IVD: variants seen among roughly 807,000 people sequenced by gnomAD.
The protein encoded by IVD is isovaleryl-CoA dehydrogenase.
IVD carries 31 observed loss-of-function variants against 51.3 expected under a neutral mutation model. The ratio of observed to expected loss-of-function variants is 0.60; its 90% CI spans 0.45 to 0.81. The LOEUF is 0.81. Among genes scored for constraint, IVD ranks in the 40% least tolerant of loss-of-function variants. IVD has a pLI of 0.00. For missense variants in IVD, 475 were observed against 552.0 expected, an observed-to-expected ratio of 0.86 and a Z score of 1.40; for synonymous variants, 205 against 219.4, an observed-to-expected ratio of 0.93 and a Z score of 0.58.
chr15:40,412,799 G>A, intron 6 of IVD, 192 bp from the exon 7 acceptor site: 1 of 595,702 alleles, frequency 1.7e-6, no homozygotes, highest in Non-Finnish European at 3.0e-6. Context: ...GCTAGTGGCA[G>A]AGGAGGCTGG....
chr15:40,408,100 C>A, intron 3 of IVD, 110 bp downstream of exon 3: 2 of 1,030,308 alleles, frequency 1.9e-6, no homozygotes, highest in Non-Finnish European at 3.0e-6. Flanking sequence ...AAACCCAGAA[C>A]TGCATCTTTT....
At chr15:40,435,657 AG>A, downstream of IVD, 1 of 1,048,118 alleles carries the variant, frequency 9.5e-7, no homozygotes, top group Non-Finnish European at 1.2e-6. Flanking sequence ...GGGTTTACAA[AG>A]CTTAGGTGGC....
At chr15:40,430,919 C>T (rs563448487) in intron 7 of IVD, among the ~76,000 whole-genome samples, 2 of 152,270 alleles carry the variant, frequency 1.3e-5, no homozygotes, top group East Asian at 1.9e-4. Context: ...ATATGACAAT[C>T]GACTTGCAAC....
chr15:40,418,377 C>T lies in IVD; in HGVS notation c.*114C>T, dbSNP rs1891946047. 6.3e-7 allele frequency: 1 copy of T among 1,592,526 alleles called. No individual in the cohort carries two copies. Among genetic ancestry groups the T allele is most frequent in the African/African-American group, 1.3e-5 (1 of 74,582 alleles). ...GGCCCTCCTGCCCAGCTGCTCTTGT[C>T]AGCCCTCTGGCCTCTGGATGAGGTT... On this transcript the variant is annotated 3_prime_UTR_variant, in exon 12 of 12. Coordinates refer to ENST00000487418, the MANE Select transcript of IVD (RefSeq NM_002225.5).
intron 8 of IVD, 198 bp downstream of exon 8, chr15:40,415,180 G>GA: frequency 1.3e-6 from 1 of 759,630 alleles, no homozygotes; most frequent in Non-Finnish European, 2.1e-6. Flanking sequence ...TTAAGTAACA[G>GA]ACAAAAGGCC....
intron 3 of IVD, 43 bp from the exon 4 acceptor site, chr15:40,410,585 T>G: frequency 6.2e-7 from 1 of 1,610,724 alleles, no homozygotes; most frequent in Non-Finnish European, 8.5e-7. Context: ...CCCGATTTAA[T>G]CTGGGCTGCG....
At chr15:40,434,862 C>G (rs1252003180) in intron 8 of IVD, among the ~76,000 whole-genome samples, 1 of 152,216 alleles carries the variant, frequency 6.6e-6, no homozygotes, top group African/African-American at 2.4e-5. Context: ...TGAGGCTTCA[C>G]TGACACCCTC....
chr15:40,412,213 T>G (rs946315645), intron 6 of IVD, among the ~76,000 whole-genome samples: 1 of 151,636 alleles, frequency 6.6e-6, no homozygotes, highest in African/African-American at 2.4e-5. Context: ...AATTGAAAAG[T>G]GTGGGAATGA....
rs2014753824 is a variant in IVD, at chr15:40,408,094, C to A, written c.286+104C>A. The A allele has an allele frequency of 3.8e-6, 4 of 1,066,600 alleles. No individual in the cohort carries two copies. In the Admixed American group the frequency reaches 5.4e-5, roughly 14 times the overall value. 66.1% of individuals were successfully genotyped at this position (1,066,600 alleles called of 1,614,324 possible). ...AGGGAAAGATTGTGCTTAAAGAAAC[C>A]CAGAACTGCATCTTTTGGACCTGTG... On this transcript the variant is annotated intron_variant, in intron 3 of 11. Coordinates refer to ENST00000487418, the MANE Select transcript of IVD (RefSeq NM_002225.5).
chr15:40,411,526 T>G (rs1891085533), intron 5 of IVD, 29 bp from the exon 6 acceptor site: 1 of 1,614,050 alleles, frequency 6.2e-7, no homozygotes, highest in Non-Finnish European at 8.5e-7. Context: ...CAAGATGGCT[T>G]GAGCAAATAG....
At chr15:40,415,791 G>A (rs1401945661) in intron 9 of IVD, among the ~76,000 whole-genome samples, 1 of 152,200 alleles carries the variant, frequency 6.6e-6, no homozygotes, top group African/African-American at 2.4e-5. Flanking sequence ...CTTCTGGTCC[G>A]AAGAAGCTGC....
Position 40,407,742 on chromosome 15 carries a change from G to C in IVD, c.234+17G>C, listed in dbSNP as rs568900608. Reference sequence around the variant, plus strand: ...AACCTGCGAGTGAGTTGGGAGGTCCGGGCAGTCGGGGGCAGTCAGGGAGTG... The same window carrying C: ...AACCTGCGAGTGAGTTGGGAGGTCCCGGCAGTCGGGGGCAGTCAGGGAGTG... On this transcript the variant is annotated intron_variant, in intron 2 of 11. Transcript: ENST00000487418. The C allele has an allele frequency of 3.6e-5, 58 of 1,597,230 alleles. 1 individual carries two copies. In the South Asian group the frequency reaches 5.7e-4, roughly 16 times the overall value.
At chr15:40,427,988 C>T (rs918690664), downstream of IVD, among the ~76,000 whole-genome samples, 1 of 152,084 alleles carries the variant, frequency 6.6e-6, no homozygotes, top group Non-Finnish European at 1.5e-5. Context: ...TTGAGACCAG[C>T]CTGGCCAACA....
intron 7 of IVD, among the ~76,000 whole-genome samples, chr15:40,429,802 G>A (rs1317383279): frequency 6.6e-6 from 1 of 152,212 alleles, no homozygotes; most frequent in African/African-American, 2.4e-5. Flanking sequence ...AAAGAACAGA[G>A]TTCTGGGGCC....
chr15:40,413,679 T>TTTTG (rs34532325), intron 7 of IVD, among the ~76,000 whole-genome samples: 27 of 147,850 alleles, frequency 1.8e-4, no homozygotes, highest in Admixed American at 1.0e-3. Flanking sequence ...TTTTTGTTTT[T>TTTTG]TTTGTTTGTT....
downstream of IVD, among the ~76,000 whole-genome samples, chr15:40,429,042 C>T (rs925524261): frequency 2.6e-5 from 4 of 152,194 alleles, no homozygotes; most frequent in East Asian, 1.9e-4. Context: ...TCTTACACTA[C>T]AAGCTCCTCT....
rs979759127 is a variant in IVD at position 40,420,059 on chromosome 15, C to T, written c.*1796C>T. ...GCAGAGGTTGCAGGAGCTGAGATCG[C>T]GCCATTGCACTCCAGCCTGGGCAAC... On this transcript the variant is annotated 3_prime_UTR_variant, in exon 12 of 12. Coordinates refer to ENST00000487418, the MANE Select transcript of IVD (RefSeq NM_002225.5). 3.8e-5 allele frequency: 32 copies of T among 851,380 alleles called. No homozygotes were observed. The highest frequency in any genetic ancestry group is 5.9e-4 in the Middle Eastern group (1 of 1,708). The allele number at this position is 851,380 out of a possible 1,614,324, so 52.7% of individuals were successfully genotyped here. A position where few individuals can be genotyped will look rare whatever the true frequency, so the allele number is the denominator to read the frequency against.
Position 40,416,347 on chromosome 15 carries a change from G to T in IVD, c.1123G>T (p.Gly375Cys). The change falls in exon 11 of 12, where the codon GGC becomes TGC. Residue 375 changes from glycine to cysteine, a missense_variant. Coordinates refer to ENST00000487418, the MANE Select transcript of IVD (RefSeq NM_002225.5). ...GTGTGCCACACAGGTAGCCCTGGAC[G>T]GCATTCAGTGTTTTGGTGAGTGATC... ...AECATQVALD[G>C]IQCFGGNGYI... is the part of the protein sequence containing the mutation. 2 of 1,614,034 alleles carry T rather than the reference G, an allele frequency of 1.2e-6. No homozygotes were observed. The highest frequency in any genetic ancestry group is 1.7e-6 in the Non-Finnish European group (2 of 1,180,020).
downstream of IVD, among the ~76,000 whole-genome samples, chr15:40,422,611 T>TTTTTTTTTTTTTTTTTTTTTTA (rs1892407203): frequency 1.3e-5 from 1 of 78,596 alleles, no homozygotes; most frequent in Non-Finnish European, 2.6e-5. Flanking sequence ...TTTTTTTTTT[T>TTTTTTTTTTTTTTTTTTTTTTA]TTTTTTAAGA....
Sources: allele counts gnomAD v4.1 joint callset (sites outside exome capture counted in the v4.1 genomes callset), GRCh38; gene constraint gnomAD v4.1.1; transcripts MANE v1.5; gene names NCBI Gene and HGNC (gene_info 2026-07-23, HGNC 2026-07-21).